The following CTNS variants were observed in gnomAD, a reference collection of about 807,000 sequenced individuals.
CTNS encodes the protein cystinosin, lysosomal cystine transporter.
A neutral mutation model predicts 43.7 loss-of-function variants in CTNS; 27 were observed. The observed-to-expected ratio is 0.62, with a 90% CI of 0.46 to 0.85. The LOEUF (loss-of-function observed/expected upper bound fraction) is 0.85, where lower values mean the gene tolerates loss of function less well. CTNS is among the 40% of genes least tolerant of loss of function. CTNS has a pLI of 0.00. For missense variants in CTNS, 457 were observed against 475.4 expected, an observed-to-expected ratio of 0.96 and a Z score of 0.36; for synonymous variants, 187 against 190.6, an observed-to-expected ratio of 0.98 and a Z score of 0.16.
rs1597655073 is a variant in CTNS, at chr17:3,656,733, T to G, written c.619T>G (p.Phe207Val). 8 of 1,613,494 alleles carry G rather than the reference T, an allele frequency of 5.0e-6. No homozygotes were observed. In the East Asian group the frequency reaches 1.6e-4, roughly 32 times the overall value. Residue 207 changes from phenylalanine (F) to valine (V), a missense_variant, in exon 9 of 12, where the codon TTC becomes GTC. Phe to Val is a conservative substitution (Grantham distance 50). Coordinates refer to ENST00000046640, the MANE Select transcript of CTNS (RefSeq NM_004937.3). Reference protein sequence around the residue: ...GVNPVNSNDVFFSLHAVVLTL... With the variant: ...GVNPVNSNDVVFSLHAVVLTL... Reference sequence around the variant, plus strand: ...GAACCCCGTGAACAGCAACGACGTCTTCTTCAGCCTGCACGCGGTTGTCCT... The same window carrying G: ...GAACCCCGTGAACAGCAACGACGTCGTCTTCAGCCTGCACGCGGTTGTCCT...
At chr17:3,640,916 AAAG>A (rs1276082511) in intron 3 of CTNS, among the ~76,000 whole-genome samples, 3 of 152,200 alleles carry the variant, frequency 2.0e-5, no homozygotes, top group Non-Finnish European at 2.9e-5. Flanking sequence ...AAAAGAAAAA[AAAG>A]AAGAATGGCT....
intron 5 of CTNS, among the ~76,000 whole-genome samples, chr17:3,653,950 T>C (rs2076056879): frequency 1.3e-5 from 2 of 152,134 alleles, no homozygotes; most frequent in African/African-American, 4.8e-5. Flanking sequence ...GTACTTTCCT[T>C]GAAGCAGAGC....
Position 3,655,232 on chromosome 17 carries a change from G to A in CTNS, c.341G>A (p.Arg114His), listed in dbSNP as rs559362332. The A allele has an allele frequency of 9.5e-5, 154 of 1,614,182 alleles. 2 individuals carry two copies. The South Asian group carries it at 1.5e-3, about 16-fold the overall frequency. Reference sequence around the variant, plus strand: ...AAACTCCTTTCCAGCCCGAGGATACGCTTTCTTGTGATCCGCAGCAGCGCC... The same window carrying A: ...AAACTCCTTTCCAGCCCGAGGATACACTTTCTTGTGATCCGCAGCAGCGCC... Reference protein sequence around the residue: ...NHSNQTGPRIRFLVIRSSAIS... With the variant: ...NHSNQTGPRIHFLVIRSSAIS... The change falls in exon 7 of 12, where the codon CGC becomes CAC. Residue 114 changes from arginine (R) to histidine (H), a missense_variant. Physicochemically the swap from Arg to His is conservative, Grantham distance 29. Transcript: ENST00000046640.
At chr17:3,650,352 T>C (rs567331040) in intron 5 of CTNS, 10 of 1,545,616 alleles carry the variant, frequency 6.5e-6, no homozygotes, top group African/African-American at 1.4e-5. Flanking sequence ...TGCAGAGATG[T>C]GCACCTGTAA....
intron 10 of CTNS, 149 bp downstream of exon 10, chr17:3,658,324 G>A (rs577949837): frequency 1.7e-5 from 18 of 1,080,890 alleles, no homozygotes; most frequent in Middle Eastern, 2.9e-4. Flanking sequence ...GGAGCGGGGC[G>A]GTGGGGAGGC....
intron 3 of CTNS, among the ~76,000 whole-genome samples, chr17:3,641,384 ATTTTTTTT>A (rs869072123): frequency 3.2e-5 from 1 of 31,200 alleles, no homozygotes; most frequent in African/African-American, 2.3e-4. Flanking sequence ...ATATATATAT[ATTTTTTTT>A]TTTTTTTTTT....
At chr17:3,646,606 A>T (rs1368648131) in intron 3 of CTNS, among the ~76,000 whole-genome samples, 1 of 151,702 alleles carries the variant, frequency 6.6e-6, no homozygotes, top group Non-Finnish European at 1.5e-5. Context: ...TCTTTTTTTA[A>T]GAAAATATTC....
At chr17:3,650,079 A>C in intron 5 of CTNS, 1 of 1,470,492 alleles carries the variant, frequency 6.8e-7, no homozygotes, top group South Asian at 1.3e-5. Flanking sequence ...AATTAGCTTG[A>C]TTTAGTCATT....
Position 3,639,971 on chromosome 17 carries a change from C to G in CTNS, c.-19-217C>G, listed in dbSNP as rs1258469964. Among the ~76,000 whole-genome samples the G allele has an allele frequency of 3.3e-5, 5 of 152,146 alleles. No homozygotes were observed. The East Asian group carries it at 9.6e-4, about 29-fold the overall frequency. ...TCCTCAGGGGGGCACTTTACACAAC[C>G]CATTTATCTGCTCGGAGCCCGTTTC... On this transcript the variant is annotated intron_variant, in intron 2 of 11. Coordinates refer to ENST00000046640, the MANE Select transcript of CTNS (RefSeq NM_004937.3).
intron 5 of CTNS, chr17:3,650,063 G>A: frequency 1.4e-6 from 2 of 1,427,882 alleles, no homozygotes; most frequent in East Asian, 2.5e-5. Context: ...TGAGATGATG[G>A]ATATTAATTA....
Position 3,656,761 on chromosome 17 carries a change from C to A in CTNS, c.647C>A (p.Thr216Lys). The change falls in exon 9 of 12, where the codon ACG becomes AAG. Residue 216 changes from threonine to lysine, a missense_variant. Transcript: ENST00000046640. ...VFFSLHAVVL[T>K]LIIIVQCCLY... ...TTCAGCCTGCACGCGGTTGTCCTCA[C>A]GCTGATCATCATCGTGCAGTGCTGC... The A allele has an allele frequency of 6.2e-7, 1 of 1,613,422 alleles. No homozygotes were observed. Among genetic ancestry groups the A allele is most frequent in the Non-Finnish European group, 8.5e-7 (1 of 1,179,990 alleles).
chr17:3,657,410 T>C (rs1597657179), intron 9 of CTNS, among the ~76,000 whole-genome samples: 2 of 152,302 alleles, frequency 1.3e-5, no homozygotes, highest in South Asian at 4.1e-4. Flanking sequence ...ATATGACAGC[T>C]TTGCTTTCCC....
chr17:3,640,146 C>G, intron 2 of CTNS, 42 bp from the exon 3 acceptor site: 1 of 1,524,028 alleles, frequency 6.6e-7, no homozygotes, highest in Non-Finnish European at 9.1e-7. Context: ...TGAGCTGATT[C>G]AACATTCCCC....
intron 2 of CTNS, among the ~76,000 whole-genome samples, chr17:3,638,501 G>A (rs879264803): frequency 1.4e-5 from 2 of 147,068 alleles, no homozygotes; most frequent in African/African-American, 2.7e-5. Context: ...GCCTCCCAAA[G>A]TGCTGGAATT....
At position 3,656,738 on chromosome 17, in the gene CTNS, C is replaced by T. The variant is rs771057130; in HGVS notation, c.624C>T (p.Phe208=). Residue 208 remains phenylalanine, a synonymous_variant, in exon 9 of 12, where the codon TTC becomes TTT. Transcript: ENST00000046640. ...VNPVNSNDVF[F]SLHAVVLTLI... ...CCGTGAACAGCAACGACGTCTTCTT[C>T]AGCCTGCACGCGGTTGTCCTCACGC... 16 of 1,613,484 alleles carry T rather than the reference C, an allele frequency of 9.9e-6. No individual in the cohort carries two copies. In the African/African-American group the frequency reaches 2.1e-4, roughly 22 times the overall value.
Position 3,661,842 on chromosome 17 carries a change from G to A in CTNS, c.*1473G>A, listed in dbSNP as rs1218435177. 1.3e-5 allele frequency among the ~76,000 whole-genome samples: 2 copies of A among 152,214 alleles called. No individual in the cohort carries two copies. The highest frequency in any genetic ancestry group is 1.9e-4 in the East Asian group (1 of 5,196). On this transcript the variant is annotated 3_prime_UTR_variant, in exon 12 of 12. Transcript: ENST00000046640. ...CCAGCACTGGGAGCGGGGGCAGTGG[G>A]GGTCTTATTCTCCAGACGCTTCCTC...
rs758514245 is a variant in CTNS, at chr17:3,655,059, A to G, written c.287A>G (p.Gln96Arg). 2 of 1,614,148 alleles carry G rather than the reference A, an allele frequency of 1.2e-6. No individual in the cohort carries two copies. Among genetic ancestry groups the G allele is most frequent in the South Asian group, 2.2e-5 (2 of 91,088 alleles). ...CAAGTGACATCTCAAAATGTTGGAC[A>G]ACTTACTGTTTATCTACATGGAAAT... Reference protein sequence around the residue: ...SFQVTSQNVGQLTVYLHGNHS... With the variant: ...SFQVTSQNVGRLTVYLHGNHS... The change falls in exon 6 of 12, where the codon CAA becomes CGA. Residue 96 changes from glutamine to arginine, a missense_variant. Transcript: ENST00000046640.
chr17:3,646,188 C>T (rs1264921421), intron 3 of CTNS, among the ~76,000 whole-genome samples: 1 of 152,092 alleles, frequency 6.6e-6, no homozygotes, highest in Non-Finnish European at 1.5e-5. Flanking sequence ...CCCCTGGGAG[C>T]AGAGGCTGGG....
intron 7 of CTNS, chr17:3,656,078 C>T (rs1364185630): frequency 2.3e-5 from 6 of 257,742 alleles, no homozygotes; most frequent in Admixed American, 9.1e-5. Context: ...CTGCCATGCC[C>T]TTCCACCCCC....
Sources: allele counts gnomAD v4.1 joint callset (sites outside exome capture counted in the v4.1 genomes callset), GRCh38; gene constraint gnomAD v4.1.1; transcripts MANE v1.5; gene names NCBI Gene and HGNC (gene_info 2026-07-23, HGNC 2026-07-21).